The following LPP variants were observed in gnomAD, a reference collection of about 807,000 sequenced individuals.
The protein encoded by LPP is lipoma-preferred partner.
LPP carries 38 observed loss-of-function variants against 60.4 expected under a neutral mutation model. The ratio of observed to expected loss-of-function variants is 0.63; its 90% CI spans 0.49 to 0.83. The LOEUF (loss-of-function observed/expected upper bound fraction) is 0.83, where lower values mean the gene tolerates loss of function less well. Among genes scored for constraint, LPP ranks in the 40% least tolerant of loss-of-function variants. LPP has a pLI of 0.00. For synonymous variants in LPP, 328 were observed against 290.8 expected, an observed-to-expected ratio of 1.13 and a Z score of -1.30; for missense variants, 902 against 783.6, an observed-to-expected ratio of 1.15 and a Z score of -1.80.
chr3:188,348,098 G>A (rs750782069), intron 3 of LPP, among the ~76,000 whole-genome samples: 2 of 152,124 alleles, frequency 1.3e-5, no homozygotes, highest in Non-Finnish European at 2.9e-5. Context: ...GATTTACTTG[G>A]GTCTCAGGTT....
chr3:188,493,752 T>C (rs1448529352), intron 5 of LPP, among the ~76,000 whole-genome samples: 2 of 152,174 alleles, frequency 1.3e-5, no homozygotes, highest in Non-Finnish European at 2.9e-5. Flanking sequence ...GTCAAGATTT[T>C]CTTATAATAT....
rs35745249 is a variant in LPP, at chr3:188,352,703, CTGCA to C, written c.-10+10989_-10+10992del. On this transcript the variant is annotated intron_variant, in intron 3 of 11. Transcript: ENST00000617246. The surrounding 1 kb of genome is among the most constrained non-coding windows in gnomAD (Gnocchi z 4.4). ...GTTTCCCTGCTTGTTGATGTTCCAG[CTGCA>C]TGCACGGCACTGAGCCCTGCCTGAG... 0.94 allele frequency among the ~76,000 whole-genome samples: 143,183 copies of C among 152,004 alleles called. 67,497 individuals carry two copies. Among genetic ancestry groups the C allele is most frequent in the Non-Finnish European group, 0.96 (65,056 of 67,982 alleles).
intron 2 of LPP, among the ~76,000 whole-genome samples, chr3:188,326,916 C>T (rs1203007681): frequency 1.3e-5 from 2 of 152,052 alleles, no homozygotes; most frequent in Non-Finnish European, 2.9e-5. Context: ...CTCAATTCTT[C>T]TGGATTTTAA....
chr3:188,593,441 TTTTTAA>T (rs1560608773), intron 6 of LPP, among the ~76,000 whole-genome samples: 2 of 152,184 alleles, frequency 1.3e-5, no homozygotes, highest in Non-Finnish European at 2.9e-5. Context: ...ATTTTTTTCT[TTTTTAA>T]TTTTATTTTT....
At chr3:188,478,690 T>C (rs1401351013) in intron 4 of LPP, among the ~76,000 whole-genome samples, 1 of 152,162 alleles carries the variant, frequency 6.6e-6, no homozygotes, top group Non-Finnish European at 1.5e-5. Flanking sequence ...ACTTAAAATT[T>C]CGTACTATTT....
intron 4 of LPP, among the ~76,000 whole-genome samples, chr3:188,407,078 A>AT (rs1204318539): frequency 4.9e-4 from 53 of 108,166 alleles, no homozygotes; most frequent in African/African-American, 1.9e-3. Flanking sequence ...ATAACTTAAA[A>AT]TAAAAAAAAA....
chr3:188,284,819 C>T (rs1204226339), intron 2 of LPP, among the ~76,000 whole-genome samples: 1 of 151,878 alleles, frequency 6.6e-6, no homozygotes, highest in African/African-American at 2.4e-5. Flanking sequence ...ATTTCCTGCC[C>T]TCTCAGGCAG....
chr3:188,209,451 A>G (rs1734133100), intron 1 of LPP, among the ~76,000 whole-genome samples: 1 of 152,244 alleles, frequency 6.6e-6, no homozygotes, highest in Non-Finnish European at 1.5e-5. Context: ...CAGGTTCAGA[A>G]TGGTGTTGTC....
chr3:188,190,587 G>A (rs960975791), intron 1 of LPP, among the ~76,000 whole-genome samples: 5 of 152,218 alleles, frequency 3.3e-5, no homozygotes, highest in Admixed American at 3.3e-4. Flanking sequence ...ATTCTAGGAG[G>A]CAAGACAGAC....
intron 1 of LPP, chr3:188,213,120 G>C (rs1711945839): frequency 6.6e-6 from 1 of 152,194 alleles, no homozygotes; most frequent in Non-Finnish European, 1.5e-5. Flanking sequence ...GTTGTCTGAT[G>C]ATTAAGGCTA....
rs796502158 is a variant in LPP at position 188,634,765 on chromosome 3, C to G, written c.1113+24921C>G. ...CCATCTAGTTTTGGGAAAACAAGCTCAGGGCTCCCACTGATTCCACTGATG... is the reference window on the plus strand; with the variant it reads ...CCATCTAGTTTTGGGAAAACAAGCTGAGGGCTCCCACTGATTCCACTGATG... On this transcript the variant is annotated intron_variant, in intron 7 of 11. Coordinates refer to ENST00000617246, the MANE Select transcript of LPP (RefSeq NM_001375462.1). Among the ~76,000 whole-genome samples, 19 of 152,294 alleles carry G rather than the reference C, an allele frequency of 1.2e-4. 1 individual carries two copies. The highest frequency in any genetic ancestry group is 4.6e-4 in the African/African-American group (19 of 41,556).
At chr3:188,336,571 G>C (rs1465683040) in intron 2 of LPP, among the ~76,000 whole-genome samples, 1 of 152,150 alleles carries the variant, frequency 6.6e-6, no homozygotes, top group Non-Finnish European at 1.5e-5. Flanking sequence ...CAGTACCTTA[G>C]ACTCTGTAAG....
chr3:188,360,560 C>T (rs73055531), intron 3 of LPP, among the ~76,000 whole-genome samples: 17,927 of 151,814 alleles, frequency 0.12, 1,171 homozygotes, highest in East Asian at 0.17. Flanking sequence ...TCTCACTATG[C>T]TGCCCAGGCT....
chr3:188,243,916 C>T (rs112125209), intron 2 of LPP, among the ~76,000 whole-genome samples: 285 of 152,180 alleles, frequency 1.9e-3, no homozygotes, highest in Non-Finnish European at 3.0e-3. Context: ...CGCTCTGTCG[C>T]GCAGGCTGGA....
intron 11 of LPP, among the ~76,000 whole-genome samples, chr3:188,873,184 A>G (rs1405780347): frequency 1.3e-5 from 2 of 152,236 alleles, no homozygotes; most frequent in Non-Finnish European, 2.9e-5. Context: ...CTAATTGCTC[A>G]GTTTCCTGAA....
chr3:188,241,548 G>T (rs73059625), intron 2 of LPP, among the ~76,000 whole-genome samples: 2,591 of 152,218 alleles, frequency 0.017, 67 homozygotes, highest in African/African-American at 0.057. Context: ...TTTCCTGCTT[G>T]TATCTGTAAC....
chr3:188,830,430 T>G (rs1756845664), intron 9 of LPP, among the ~76,000 whole-genome samples: 1 of 151,128 alleles, frequency 6.6e-6, no homozygotes, highest in African/African-American at 2.4e-5. Context: ...CGGTGAAACC[T>G]CGTCTCTACT....
At chr3:188,427,126 G>A (rs1012597574) in intron 4 of LPP, among the ~76,000 whole-genome samples, 3 of 152,126 alleles carry the variant, frequency 2.0e-5, no homozygotes, top group Non-Finnish European at 4.4e-5. Flanking sequence ...CTTCCTTCAG[G>A]AGCTCTTGTA....
intron 6 of LPP, among the ~76,000 whole-genome samples, chr3:188,608,373 A>G (rs567740450): frequency 2.0e-5 from 3 of 152,190 alleles, no homozygotes; most frequent in Non-Finnish European, 4.4e-5. Context: ...TAAGGGTCCA[A>G]TATCATTCTT....
Sources: allele counts gnomAD v4.1 joint callset (sites outside exome capture counted in the v4.1 genomes callset), GRCh38; gene constraint gnomAD v4.1.1; non-coding constraint Gnocchi (gnomAD v3.1); transcripts MANE v1.5; gene names NCBI Gene and HGNC (gene_info 2026-07-23, HGNC 2026-07-21).